Variants in NPHP4 observed in about 807,000 individuals in gnomAD.
The protein encoded by NPHP4 is nephrocystin 4.
A neutral mutation model predicts 155.8 loss-of-function variants in NPHP4; 151 were observed. The observed-to-expected ratio is 0.97, with a 90% confidence interval of 0.85 to 1.11. NPHP4 has a LOEUF of 1.11. Among genes scored for constraint, NPHP4 ranks in the 50% least tolerant of loss-of-function variants. The probability of loss-of-function intolerance (pLI) is 0.00; values close to 1 mark genes in which losing one functional copy is unlikely to be tolerated. For synonymous variants in NPHP4, 845 were observed against 816.8 expected (o/e 1.03, Z -0.59); for missense variants, 1,956 against 1,925.7 (o/e 1.02, Z -0.29).
At chr1:5,934,121 C>A (rs940864436) in intron 9 of NPHP4, among the ~76,000 whole-genome samples, 1 of 152,116 alleles carries the variant, frequency 6.6e-6, no homozygotes, top group Non-Finnish European at 1.5e-5. Context: ...TTTTGGACCC[C>A]AAAGTCCAGC....
chr1:5,865,595 T>G, intron 26 of NPHP4: 2 of 264,350 alleles, frequency 7.6e-6, no homozygotes, highest in African/African-American at 2.2e-5. Context: ...CAAACACACA[T>G]CCTGGACAAG....
chr1:5,978,027 T>A (rs1653998839), intron 3 of NPHP4, among the ~76,000 whole-genome samples: 1 of 151,114 alleles, frequency 6.6e-6, no homozygotes, highest in Non-Finnish European at 1.5e-5. Flanking sequence ...CCCATTCCCC[T>A]GACCCTTCAA....
rs572959009 is a variant in NPHP4 at position 5,890,280 on chromosome 1, A to G, written c.2304+588T>C. On this transcript the variant is annotated intron_variant, in intron 17 of 29. Transcript: ENST00000378156. The surrounding 1 kb of genome is among the most constrained non-coding windows in gnomAD (Gnocchi z 4.9). ...CATGGTAGCGTGTGAAACTGGCCCCAGTCCTTGGCCCAAGAGTTGTCATGG... is the reference window on the plus strand; with the variant it reads ...CATGGTAGCGTGTGAAACTGGCCCCGGTCCTTGGCCCAAGAGTTGTCATGG... Among the ~76,000 whole-genome samples, 1 of 152,322 alleles carries G rather than the reference A, an allele frequency of 6.6e-6. No homozygotes were observed. The highest frequency in any genetic ancestry group is 1.9e-4 in the East Asian group (1 of 5,176).
intron 9 of NPHP4, among the ~76,000 whole-genome samples, chr1:5,946,023 A>G (rs1422570138): frequency 2.0e-5 from 3 of 152,200 alleles, no homozygotes; most frequent in Non-Finnish European, 4.4e-5. Flanking sequence ...ACTGTATATT[A>G]TAATTGTTCT....
intron 16 of NPHP4, among the ~76,000 whole-genome samples, chr1:5,900,357 G>A (rs139612954): frequency 1.3e-5 from 2 of 152,314 alleles, no homozygotes; most frequent in African/African-American, 4.8e-5. Flanking sequence ...GCACATACGT[G>A]CAATGAAGTA....
At chr1:5,912,002 G>C (rs377070414) in intron 11 of NPHP4, among the ~76,000 whole-genome samples, 1 of 152,178 alleles carries the variant, frequency 6.6e-6, no homozygotes, top group African/African-American at 2.4e-5. Context: ...CAACTGAACC[G>C]GGAGCAGCAT....
At chr1:5,936,955 G>C (rs1646572059) in intron 9 of NPHP4, among the ~76,000 whole-genome samples, 1 of 152,208 alleles carries the variant, frequency 6.6e-6, no homozygotes. Context: ...AGGAGCAGGG[G>C]AGAGAGAGAC....
rs929848540 is a variant in NPHP4, at chr1:5,910,223, G to C, written c.1442-1010C>G. On this transcript the variant is annotated intron_variant, in intron 11 of 29. Coordinates refer to ENST00000378156, the MANE Select transcript of NPHP4 (RefSeq NM_015102.5). This position sits in a 1 kb window ranked among gnomAD's most constrained non-coding sequence, Gnocchi z 5.4. Reference sequence around the variant, plus strand: ...CCAGGGTGGGAGCCCTGCACACTGAGTCATCTGCCTGGCTTCCCTGAGGCC... The same window carrying C: ...CCAGGGTGGGAGCCCTGCACACTGACTCATCTGCCTGGCTTCCCTGAGGCC... Among the ~76,000 whole-genome samples the C allele has an allele frequency of 1.3e-5, 2 of 152,170 alleles. No homozygotes were observed. The highest frequency in any genetic ancestry group is 4.8e-5 in the African/African-American group (2 of 41,432).
intron 9 of NPHP4, among the ~76,000 whole-genome samples, chr1:5,941,413 A>C (rs1227015355): frequency 6.6e-6 from 1 of 152,114 alleles, no homozygotes. Flanking sequence ...TCCAGATACA[A>C]TAAAAGAAAG....
chr1:5,952,763 G>A lies in NPHP4; in HGVS notation c.747C>T (p.Tyr249=), dbSNP rs1462647453. 1 of 1,579,386 alleles carries A rather than the reference G, an allele frequency of 6.3e-7. No homozygotes were observed. Among genetic ancestry groups the A allele is most frequent in the Admixed American group, 1.8e-5 (1 of 54,902 alleles). Residue 249 remains tyrosine (Y), a synonymous_variant, in exon 7 of 30, where the codon TAC becomes TAT. Transcript: ENST00000378156. ...CTTCCTCAAACTTCTCCAGGGAGGG[G>A]TACAGGGTGAAGAATAAGTCATCCA... ...GHLDDLFFTL[Y]PSLEKFEEEL... is the part of the protein sequence containing the mutation.
chr1:5,958,147 G>A (rs1234436018), intron 6 of NPHP4, among the ~76,000 whole-genome samples: 1 of 152,260 alleles, frequency 6.6e-6, no homozygotes, highest in African/African-American at 2.4e-5. Context: ...TAAATGTACT[G>A]AACACACATG....
chr1:5,990,837 T>C (rs1271870767), intron 1 of NPHP4, among the ~76,000 whole-genome samples: 1 of 152,198 alleles, frequency 6.6e-6, no homozygotes, highest in African/African-American at 2.4e-5. Flanking sequence ...CCTCCCCACC[T>C]GTTTCCAACC....
At chr1:5,866,261 T>G (rs1286107700) in intron 26 of NPHP4, 112 bp downstream of exon 26, 1 of 760,884 alleles carries the variant, frequency 1.3e-6, no homozygotes, top group Non-Finnish European at 2.3e-6. Flanking sequence ...GCCCGAAAGC[T>G]CCCCCAATTT....
intron 8 of NPHP4, 107 bp from the exon 9 acceptor site, chr1:5,947,337 C>G: frequency 8.3e-7 from 1 of 1,208,388 alleles, no homozygotes; most frequent in Non-Finnish European, 1.2e-6. Flanking sequence ...CTGGGGGACA[C>G]AGGGGTGCTG....
At chr1:5,914,029 G>T (rs1645327156) in intron 11 of NPHP4, among the ~76,000 whole-genome samples, 1 of 152,022 alleles carries the variant, frequency 6.6e-6, no homozygotes, top group Admixed American at 6.6e-5. Context: ...ACGCACGCGG[G>T]CCAGGACATG....
At chr1:5,901,160 T>C (rs184801015) in intron 16 of NPHP4, among the ~76,000 whole-genome samples, 1 of 152,362 alleles carries the variant, frequency 6.6e-6, no homozygotes, top group East Asian at 1.9e-4. Flanking sequence ...TCAATTTTTC[T>C]GTAAACCTAA....
chr1:5,878,076 G>A (rs568217161), intron 19 of NPHP4, among the ~76,000 whole-genome samples: 1 of 152,210 alleles, frequency 6.6e-6, no homozygotes, highest in Non-Finnish European at 1.5e-5. Flanking sequence ...CACAGGCAGG[G>A]CAGCTGAGAG....
intron 3 of NPHP4, among the ~76,000 whole-genome samples, chr1:5,973,480 G>C (rs907782289): frequency 6.6e-6 from 1 of 152,202 alleles, no homozygotes; most frequent in African/African-American, 2.4e-5. Context: ...CCAGCTACTT[G>C]GGAGGCTGAG....
In NPHP4 at chr1:5,905,395, CG is replaced by C. The variant is rs1265084617; in HGVS notation, c.1851del (p.Glu618ArgfsTer9). ...PEILDANKQP[A>X]EAVSATEPVT... ...ACAGGTTCTGTAGCGCTGACAGCCT[CG>C]GCTGGCTGTTTATTGGCATCCAGAA... On this transcript the variant is annotated frameshift_variant, in exon 15 of 30. Transcript: ENST00000378156. LOFTEE classifies it high-confidence loss of function. The surrounding 1 kb of genome is among the most constrained non-coding windows in gnomAD (Gnocchi z 4.0). The C allele has an allele frequency of 1.2e-6, 2 of 1,613,388 alleles. No individual in the cohort carries two copies. Among genetic ancestry groups the C allele is most frequent in the Non-Finnish European group, 1.7e-6 (2 of 1,179,370 alleles).
Sources: gnomAD v4.1 joint callset for allele counts (sites outside exome capture counted in the v4.1 genomes callset) on GRCh38, gnomAD v4.1.1 for gene constraint, Gnocchi (gnomAD v3.1) non-coding constraint, MANE v1.5 for transcripts, NCBI Gene and HGNC (gene_info 2026-07-23, HGNC 2026-07-21) for gene names.